Variants in PLIN2 observed in about 807,000 individuals in gnomAD.
PLIN2 encodes the protein perilipin-2.
In PLIN2, 33 loss-of-function variants were observed where a neutral mutation model predicts 30.6. That is an observed-to-expected ratio of 1.08 (90% CI 0.82 to 1.44). The LOEUF is 1.44. PLIN2 is among the 40% of genes most tolerant of loss of function. PLIN2 has a pLI of 0.00. For synonymous variants in PLIN2, 205 were observed against 201.1 expected (o/e 1.02, Z -0.16); for missense variants, 610 against 531.8 (o/e 1.15, Z -1.45).
downstream of PLIN2, among the ~76,000 whole-genome samples, chr9:19,112,205 T>C (rs1818168153): frequency 6.6e-6 from 1 of 152,212 alleles, no homozygotes; most frequent in South Asian, 2.1e-4. Context: ...GACTATGTTA[T>C]CATTACAGGC....
rs1336642096 is a variant in PLIN2, at chr9:19,127,033, C to A, written c.-23+386G>T. On this transcript the variant is annotated intron_variant, in intron 1 of 7. Transcript: ENST00000276914. The surrounding 1 kb of genome is among the most constrained non-coding windows in gnomAD (Gnocchi z 4.3). ...CTCCAGCCTGGGCGACAGAGCGAGACTCCGTCAAAAAAAAAATGCGGTTTT... is the reference window on the plus strand; with the variant it reads ...CTCCAGCCTGGGCGACAGAGCGAGAATCCGTCAAAAAAAAAATGCGGTTTT... Among the ~76,000 whole-genome samples, 2 of 148,204 alleles carry A rather than the reference C, an allele frequency of 1.3e-5. No individual in the cohort carries two copies. Among genetic ancestry groups the A allele is most frequent in the Non-Finnish European group, 3.0e-5 (2 of 67,470 alleles).
At chr9:19,117,829 G>C (rs1162464001) in intron 7 of PLIN2, among the ~76,000 whole-genome samples, 4 of 151,964 alleles carry the variant, frequency 2.6e-5, no homozygotes, top group African/African-American at 9.7e-5. Context: ...ATGTTGGCCA[G>C]GATGGTCTCG....
intron 6 of PLIN2, 53 bp downstream of exon 6, chr9:19,119,597 G>T (rs1268415625): frequency 3.8e-6 from 4 of 1,045,212 alleles, no homozygotes; most frequent in East Asian, 2.5e-5. Flanking sequence ...TAATTCTTGG[G>T]CCTAGAGATA....
intron 4 of PLIN2, 95 bp downstream of exon 4, chr9:19,123,470 T>C: frequency 6.3e-7 from 1 of 1,591,812 alleles, no homozygotes; most frequent in Non-Finnish European, 8.6e-7. Flanking sequence ...GGAAAACAAG[T>C]ATTTGCCTGT....
At chr9:19,124,947 T>C (rs1020233898) in intron 3 of PLIN2, among the ~76,000 whole-genome samples, 6 of 152,184 alleles carry the variant, frequency 3.9e-5, no homozygotes, top group African/African-American at 1.4e-4. Context: ...TTGAAAACAT[T>C]ATGCTTAACG....
rs538707374 is a variant in PLIN2, at chr9:19,126,028, G to A, written c.226+86C>T. ...GGCAGTGTATGCCCCAGGAAGGGCT[G>A]AGGAGTTCCAGATGTTACTGCTGTG... On this transcript the variant is annotated intron_variant, in intron 3 of 7. Transcript: ENST00000276914. The A allele has an allele frequency of 3.0e-5, 33 of 1,107,612 alleles. No homozygotes were observed. The Middle Eastern group carries it at 6.2e-4, about 21-fold the overall frequency. The allele number at this position is 1,107,612 out of a possible 1,614,324, so 68.6% of individuals were successfully genotyped here. A position where few individuals can be genotyped will look rare whatever the true frequency, so the allele number is the denominator to read the frequency against.
chr9:19,122,108 C>CAAAAAAAAAAAAA (rs59357707), intron 4 of PLIN2, among the ~76,000 whole-genome samples: 3 of 63,308 alleles, frequency 4.7e-5, no homozygotes, highest in Admixed American at 4.7e-4. Flanking sequence ...GACTCTGTCT[C>CAAAAAAAAAAAAA]AAAAAAAAAA....
At chr9:19,111,751 A>G (rs1189766987), downstream of PLIN2, among the ~76,000 whole-genome samples, 2 of 152,090 alleles carry the variant, frequency 1.3e-5, no homozygotes, top group African/African-American at 2.4e-5. Flanking sequence ...CTGTAGCCCT[A>G]TATCTTATAT....
At chr9:19,112,998 C>T, downstream of PLIN2, among the ~76,000 whole-genome samples, 1 of 151,128 alleles carries the variant, frequency 6.6e-6, no homozygotes, top group South Asian at 2.1e-4. Flanking sequence ...ACTAAAGTAA[C>T]ACACTATAAC....
chr9:19,110,041 T>G (rs890970815), intron 2 of PLIN2, among the ~76,000 whole-genome samples: 2 of 152,024 alleles, frequency 1.3e-5, no homozygotes, highest in African/African-American at 4.8e-5. Flanking sequence ...TTGTTTTGTT[T>G]TAGATGGAGT....
Position 19,120,768 on chromosome 9 carries a change from G to C in PLIN2, c.595+112C>G, listed in dbSNP as rs1818301323. On this transcript the variant is annotated intron_variant, in intron 5 of 7. Transcript: ENST00000276914. Reference sequence around the variant, plus strand: ...AGAAGTGTTCTGAAACTGGATTGCAGTGATGCTTGCACAACTGTGTAAATT... The same window carrying C: ...AGAAGTGTTCTGAAACTGGATTGCACTGATGCTTGCACAACTGTGTAAATT... The C allele has an allele frequency of 3.6e-6, 3 of 827,848 alleles. No homozygotes were observed. In the South Asian group the frequency reaches 4.8e-5, roughly 13 times the overall value. 51.3% of individuals were successfully genotyped at this position (827,848 alleles called of 1,614,324 possible).
At chr9:19,112,437 A>C (rs922185033), downstream of PLIN2, among the ~76,000 whole-genome samples, 6 of 152,198 alleles carry the variant, frequency 3.9e-5, no homozygotes, top group Non-Finnish European at 7.4e-5. Flanking sequence ...GGCCAGGTTC[A>C]GTAGCTCATG....
At chr9:19,113,981 C>G (rs1481503579), downstream of PLIN2, among the ~76,000 whole-genome samples, 2 of 152,058 alleles carry the variant, frequency 1.3e-5, no homozygotes, top group African/African-American at 2.4e-5. Flanking sequence ...ACCATGTTGG[C>G]CAGGCTGGCC....
chr9:19,113,527 T>A (rs1818182633), downstream of PLIN2, among the ~76,000 whole-genome samples: 1 of 151,972 alleles, frequency 6.6e-6, no homozygotes, highest in Non-Finnish European at 1.5e-5. Flanking sequence ...CTCACCTGTT[T>A]ACTGATTTCT....
Position 19,119,714 on chromosome 9 carries a change from C to G in PLIN2, c.713G>C (p.Arg238Thr), listed in dbSNP as rs201706803. Residue 238 changes from arginine (R) to threonine (T), a missense_variant, in exon 6 of 8, where the codon AGG (arginine) becomes ACG (threonine). Coordinates refer to ENST00000276914, the MANE Select transcript of PLIN2 (RefSeq NM_001122.4). ...GCTTTTTTGCTTAGCTTCTTTAACC[C>G]TGCTGAGAGCCTGCTGGTAGGCACG... ...HSRAYQQALS[R>T]VKEAKQKSQQ... The G allele has an allele frequency of 6.2e-7, 1 of 1,612,506 alleles. No homozygotes were observed. The highest frequency in any genetic ancestry group is 8.5e-7 in the Non-Finnish European group (1 of 1,178,954).
rs766997369 is a variant in PLIN2 at position 19,123,577 on chromosome 9, C to T, written c.297G>A (p.Gln99=). The change falls in exon 4 of 8, where the codon CAG becomes CAA. Residue 99 remains glutamine, a synonymous_variant. Transcript: ENST00000276914. ...GTCCCAAGCTCACCTGAGTTGATGG[C>T]TGATTCAGAATAGGCAGTCTCTCCT... ...RIEERLPILN[Q]PSTQIVANAK... 6.2e-7 allele frequency: 1 copy of T among 1,614,174 alleles called. No homozygotes were observed. Among genetic ancestry groups the T allele is most frequent in the Admixed American group, 1.7e-5 (1 of 60,022 alleles).
chr9:19,110,892 C>A (rs141810468), downstream of PLIN2, among the ~76,000 whole-genome samples: 327 of 152,234 alleles, frequency 2.1e-3, no homozygotes, highest in South Asian at 0.018. Flanking sequence ...AGATTCAAAG[C>A]CTTTCATTAT....
chr9:19,121,505 A>G (rs1818315081), intron 4 of PLIN2, among the ~76,000 whole-genome samples: 1 of 151,146 alleles, frequency 6.6e-6, no homozygotes, highest in Admixed American at 6.6e-5. Flanking sequence ...AAAAAAAAAA[A>G]AAAGAGAAGA....
intron 1 of PLIN2, among the ~76,000 whole-genome samples, chr9:19,126,980 T>A (rs1179502083): frequency 6.6e-6 from 1 of 151,888 alleles, no homozygotes; most frequent in Non-Finnish European, 1.5e-5. Context: ...AGGCGGAGGT[T>A]GCAGTGAGCC....
Sources: gnomAD v4.1 joint callset for allele counts (sites outside exome capture counted in the v4.1 genomes callset) on GRCh38, gnomAD v4.1.1 for gene constraint, Gnocchi (gnomAD v3.1) non-coding constraint, MANE v1.5 for transcripts, NCBI Gene and HGNC (gene_info 2026-07-23, HGNC 2026-07-21) for gene names.